Variants in NDUFAF2 observed in about 807,000 individuals in gnomAD.
NDUFAF2 encodes the protein NADH dehydrogenase [ubiquinone] 1 alpha subcomplex assembly factor 2.
A neutral mutation model predicts 22.8 loss-of-function variants in NDUFAF2; 13 were observed. The observed-to-expected ratio is 0.57, with a 90% CI of 0.37 to 0.91. NDUFAF2 has a LOEUF of 0.91. Ranked by LOEUF, NDUFAF2 falls within the 40% of genes least tolerant of loss-of-function variation. NDUFAF2 has a pLI of 0.01. For synonymous variants in NDUFAF2, 53 were observed against 64.2 expected (o/e 0.83, Z 0.84); for missense variants, 162 against 195.2 (o/e 0.83, Z 1.01).
chr5:61,149,691 C>T (rs754003620), intron 3 of NDUFAF2, among the ~76,000 whole-genome samples: 17 of 151,784 alleles, frequency 1.1e-4, no homozygotes, highest in Non-Finnish European at 2.4e-4. Context: ...AGAAAGATGC[C>T]CGTTCCTGCT....
intron 3 of NDUFAF2, among the ~76,000 whole-genome samples, chr5:61,111,666 T>C (rs1752842380): frequency 6.6e-6 from 1 of 152,058 alleles, no homozygotes; most frequent in Non-Finnish European, 1.5e-5. Flanking sequence ...TTGCCCAGGC[T>C]GGAGTGCAGG....
rs562766931 is a variant in NDUFAF2, at chr5:60,977,398, C to T, written c.127+32016C>T. On this transcript the variant is annotated intron_variant, in intron 1 of 3. Coordinates refer to ENST00000296597, the MANE Select transcript of NDUFAF2 (RefSeq NM_174889.5). ...GAGCTATGATTGTGCCATTGCAGTCCAGCCTGGGTTATGGAGCTGTCTCCA... is the reference window on the plus strand; with the variant it reads ...GAGCTATGATTGTGCCATTGCAGTCTAGCCTGGGTTATGGAGCTGTCTCCA... Among the ~76,000 whole-genome samples, 129 of 150,852 alleles carry T rather than the reference C, an allele frequency of 8.6e-4. 1 individual carries two copies. Among genetic ancestry groups the T allele is most frequent in the South Asian group, 4.9e-3 (23 of 4,720 alleles).
chr5:61,063,904 A>C (rs185080696), intron 1 of NDUFAF2, among the ~76,000 whole-genome samples: 1 of 152,152 alleles, frequency 6.6e-6, no homozygotes, highest in African/African-American at 2.4e-5. Context: ...ATAAACTTGA[A>C]TGTAAATGGA....
intron 1 of NDUFAF2, among the ~76,000 whole-genome samples, chr5:61,004,058 C>T (rs375092576): frequency 2.6e-5 from 4 of 151,938 alleles, no homozygotes; most frequent in African/African-American, 9.7e-5. Context: ...ACTGTAATAA[C>T]GACCACTGCT....
chr5:61,038,068 G>C (rs1298083407), intron 1 of NDUFAF2, among the ~76,000 whole-genome samples: 1 of 124,924 alleles, frequency 8.0e-6, no homozygotes, highest in African/African-American at 2.9e-5. Flanking sequence ...GACGGGGGGT[G>C]GGAGGGAGGG....
intron 1 of NDUFAF2, among the ~76,000 whole-genome samples, chr5:60,966,926 G>T (rs1435648187): frequency 6.6e-6 from 1 of 152,014 alleles, no homozygotes; most frequent in Non-Finnish European, 1.5e-5. Context: ...TCTGTAGATT[G>T]CATAGGGTAG....
intron 1 of NDUFAF2, among the ~76,000 whole-genome samples, chr5:60,984,607 A>AG (rs1468394782): frequency 1.5e-4 from 23 of 152,254 alleles, no homozygotes; most frequent in African/African-American, 5.3e-4. Flanking sequence ...TTTAGCATGA[A>AG]GGTTGTTGAA....
intron 1 of NDUFAF2, among the ~76,000 whole-genome samples, chr5:60,949,632 C>G (rs1048128892): frequency 1.4e-4 from 21 of 152,162 alleles, no homozygotes; most frequent in African/African-American, 4.8e-4. Context: ...CCTACTTAGC[C>G]TCACAAAGTA....
At chr5:61,152,139 C>T (rs1471222972) in intron 3 of NDUFAF2, among the ~76,000 whole-genome samples, 1 of 152,180 alleles carries the variant, frequency 6.6e-6, no homozygotes, top group Non-Finnish European at 1.5e-5. Context: ...CTCTCTGCAA[C>T]AGTGTCTAGG....
intron 3 of NDUFAF2, among the ~76,000 whole-genome samples, chr5:61,103,158 G>T (rs1372863019): frequency 6.6e-6 from 1 of 152,040 alleles, no homozygotes; most frequent in Non-Finnish European, 1.5e-5. Context: ...CCAACAGTAG[G>T]TCTAACACCT....
At chr5:60,953,512 C>T (rs1750575006) in intron 1 of NDUFAF2, among the ~76,000 whole-genome samples, 2 of 152,076 alleles carry the variant, frequency 1.3e-5, no homozygotes, top group African/African-American at 2.4e-5. Flanking sequence ...GGCCTTTCAC[C>T]ACAGTTTTGT....
At chr5:61,000,018 T>C (rs1477792095) in intron 1 of NDUFAF2, among the ~76,000 whole-genome samples, 3 of 152,042 alleles carry the variant, frequency 2.0e-5, no homozygotes, top group African/African-American at 7.2e-5. Flanking sequence ...TGACTTTTGA[T>C]GGACAAAATA....
intron 1 of NDUFAF2, among the ~76,000 whole-genome samples, chr5:61,065,445 A>C (rs891327042): frequency 1.3e-4 from 20 of 152,082 alleles, no homozygotes; most frequent in Non-Finnish European, 2.6e-4. Flanking sequence ...AAAAATCTTC[A>C]GTAAAATATT....
At chr5:61,119,762 C>T (rs1464893561) in intron 3 of NDUFAF2, among the ~76,000 whole-genome samples, 5 of 152,308 alleles carry the variant, frequency 3.3e-5, no homozygotes, top group African/African-American at 1.2e-4. Context: ...GGGTTGTCTG[C>T]ACTCAGAGGT....
intron 1 of NDUFAF2, among the ~76,000 whole-genome samples, chr5:61,067,947 A>G (rs1045109802): frequency 1.1e-4 from 17 of 152,068 alleles, no homozygotes; most frequent in Non-Finnish European, 2.1e-4. Context: ...AATTTGCTTC[A>G]CTCTAGTAAC....
intron 1 of NDUFAF2, among the ~76,000 whole-genome samples, chr5:60,953,920 C>T (rs1356916884): frequency 2.0e-5 from 3 of 152,060 alleles, no homozygotes; most frequent in African/African-American, 7.2e-5. Context: ...GTCACACATA[C>T]TTTGTATGTG....
intron 1 of NDUFAF2, among the ~76,000 whole-genome samples, chr5:61,055,045 GT>G (rs1160577201): frequency 6.6e-6 from 1 of 152,154 alleles, no homozygotes; most frequent in Non-Finnish European, 1.5e-5. Context: ...TATATGTAGT[GT>G]AAGATTTAAA....
intron 3 of NDUFAF2, among the ~76,000 whole-genome samples, chr5:61,121,484 A>G (rs1361078302): frequency 6.6e-6 from 1 of 152,086 alleles, no homozygotes; most frequent in Non-Finnish European, 1.5e-5. Flanking sequence ...GGGAGTACTT[A>G]TTGCTTTCTG....
chr5:60,998,924 T>C (rs919948108), intron 1 of NDUFAF2, among the ~76,000 whole-genome samples: 2 of 152,024 alleles, frequency 1.3e-5, no homozygotes, highest in African/African-American at 4.8e-5. Context: ...GAGGACACTG[T>C]ACCAACTTAC....
Sources: gnomAD v4.1 joint callset for allele counts (sites outside exome capture counted in the v4.1 genomes callset) on GRCh38, gnomAD v4.1.1 for gene constraint, MANE v1.5 for transcripts, NCBI Gene and HGNC (gene_info 2026-07-23, HGNC 2026-07-21) for gene names.